SNX29: variants seen among roughly 807,000 people sequenced by gnomAD.
SNX29 encodes the protein sorting nexin-29.
In SNX29, 78 loss-of-function variants were observed where a neutral mutation model predicts 102.1. The observed-to-expected ratio is 0.76, with a 90% CI of 0.64 to 0.92. The LOEUF (loss-of-function observed/expected upper bound fraction) is 0.92. Ranked by LOEUF, SNX29 falls within the 40% of genes least tolerant of loss-of-function variation. SNX29 has a pLI of 0.00. For synonymous variants in SNX29, 580 were observed against 414.5 expected (o/e 1.40, Z -4.85); for missense variants, 1,280 against 1,061.7 (o/e 1.21, Z -2.86).
At chr16:12,084,411 A>G (rs2052060786) in intron 11 of SNX29, among the ~76,000 whole-genome samples, 1 of 152,144 alleles carries the variant, frequency 6.6e-6, no homozygotes. Flanking sequence ...TCCAAAGTGA[A>G]AAAGTTAATT....
chr16:12,459,844 A>G (rs1237023618), intron 18 of SNX29, among the ~76,000 whole-genome samples: 1 of 151,926 alleles, frequency 6.6e-6, no homozygotes, highest in African/African-American at 2.4e-5. Flanking sequence ...GTAATACCCC[A>G]TTTCCCCAAA....
chr16:12,246,040 T>G (rs150047333), intron 14 of SNX29, among the ~76,000 whole-genome samples: 43 of 152,320 alleles, frequency 2.8e-4, no homozygotes, highest in African/African-American at 9.1e-4. Context: ...ACCTGGTGTG[T>G]GGGAAGCACT....
At chr16:12,467,653 TTCCATTCAC>T (rs139145190) in intron 18 of SNX29, among the ~76,000 whole-genome samples, 9 of 116,990 alleles carry the variant, frequency 7.7e-5, no homozygotes, top group Admixed American at 1.6e-4. Flanking sequence ...CATTCATTCA[TTCCATTCAC>T]TCATTCATTC....
intron 13 of SNX29, among the ~76,000 whole-genome samples, chr16:12,141,943 C>A (rs1270882972): frequency 6.6e-6 from 1 of 152,188 alleles, no homozygotes; most frequent in Non-Finnish European, 1.5e-5. Flanking sequence ...GTCTCAGCCT[C>A]ATTTTAACCA....
At chr16:12,093,186 T>C (rs1002264032) in intron 11 of SNX29, among the ~76,000 whole-genome samples, 15 of 152,354 alleles carry the variant, frequency 9.8e-5, no homozygotes, top group Middle Eastern at 6.8e-3. Context: ...ATATTAGATA[T>C]GTAAATCCTT....
chr16:12,256,649 G>A (rs2089251), intron 14 of SNX29, among the ~76,000 whole-genome samples: 1 of 151,964 alleles, frequency 6.6e-6, no homozygotes, highest in African/African-American at 2.4e-5. Flanking sequence ...TTTTTGAAGA[G>A]AGACAATCAG....
chr16:12,152,900 A>C (rs941298368), intron 13 of SNX29, among the ~76,000 whole-genome samples: 2 of 152,236 alleles, frequency 1.3e-5, no homozygotes, highest in African/African-American at 2.4e-5. Context: ...TGACAGGCTA[A>C]GAAGCTTGCT....
chr16:12,552,875 AGACATG>A (rs1431820730), intron 20 of SNX29, among the ~76,000 whole-genome samples: 2 of 152,296 alleles, frequency 1.3e-5, no homozygotes, highest in South Asian at 2.1e-4. Flanking sequence ...GGGCCTGGGG[AGACATG>A]GACATGGAGG....
intron 18 of SNX29, among the ~76,000 whole-genome samples, chr16:12,423,040 C>A (rs927315259): frequency 6.6e-6 from 1 of 152,138 alleles, no homozygotes; most frequent in African/African-American, 2.4e-5. Context: ...GAAACAAACA[C>A]ACACACAAAA....
At chr16:12,068,534 G>A (rs1284269435) in intron 9 of SNX29, among the ~76,000 whole-genome samples, 2 of 150,904 alleles carry the variant, frequency 1.3e-5, no homozygotes, top group Non-Finnish European at 3.0e-5. Context: ...AGGTTAAGGG[G>A]AAGTATAGGG....
intron 14 of SNX29, among the ~76,000 whole-genome samples, chr16:12,221,607 G>C (rs776532185): frequency 3.1e-4 from 47 of 152,180 alleles, no homozygotes; most frequent in Non-Finnish European, 5.3e-4. Flanking sequence ...GAGCAAGACT[G>C]TCTCAAAAAT....
At chr16:12,193,385 C>G (rs2076692802) in intron 13 of SNX29, among the ~76,000 whole-genome samples, 1 of 150,184 alleles carries the variant, frequency 6.7e-6, no homozygotes, top group African/African-American at 2.4e-5. Context: ...AGGAGAATCA[C>G]TTGAAGCCAG....
intron 3 of SNX29, among the ~76,000 whole-genome samples, chr16:12,005,287 C>T (rs542500702): frequency 1.3e-5 from 2 of 152,294 alleles, no homozygotes; most frequent in South Asian, 4.1e-4. Context: ...GGTCTGCTTG[C>T]ATCAGAATCA....
At chr16:12,061,976 C>T (rs2050794986) in intron 9 of SNX29, among the ~76,000 whole-genome samples, 1 of 152,146 alleles carries the variant, frequency 6.6e-6, no homozygotes, top group Non-Finnish European at 1.5e-5. Flanking sequence ...AAATAGTGAC[C>T]ACGATTTTGC....
At chr16:12,173,849 C>T (rs562296638) in intron 13 of SNX29, among the ~76,000 whole-genome samples, 3 of 152,270 alleles carry the variant, frequency 2.0e-5, no homozygotes, top group Admixed American at 6.5e-5. Flanking sequence ...TGCAGTGGTG[C>T]GATCTCAGCT....
At chr16:12,338,207 C>T (rs535115452) in intron 15 of SNX29, among the ~76,000 whole-genome samples, 7 of 152,288 alleles carry the variant, frequency 4.6e-5, no homozygotes, top group Middle Eastern at 3.4e-3. Context: ...GCCGAAACCA[C>T]GGCTTTTGTT....
intron 8 of SNX29, among the ~76,000 whole-genome samples, chr16:12,054,009 C>A (rs1317125764): frequency 2.0e-5 from 3 of 151,680 alleles, no homozygotes; most frequent in Admixed American, 2.0e-4. Context: ...GCTCTGTCGC[C>A]CAGGCTGGGG....
chr16:12,545,423 A>AC (rs2077548833), intron 20 of SNX29: 2 of 152,142 alleles, frequency 1.3e-5, no homozygotes, highest in Non-Finnish European at 1.5e-5. Flanking sequence ...GCCTGGCCCC[A>AC]CCCCTAGGAT....
intron 15 of SNX29, among the ~76,000 whole-genome samples, chr16:12,353,127 G>A (rs779149148): frequency 2.0e-4 from 30 of 152,168 alleles, no homozygotes; most frequent in Admixed American, 6.5e-4. Flanking sequence ...TTTACCAAAT[G>A]TCAAAGGATG....
Sources: allele counts gnomAD v4.1 joint callset (sites outside exome capture counted in the v4.1 genomes callset), GRCh38; gene constraint gnomAD v4.1.1; transcripts MANE v1.5; gene names NCBI Gene and HGNC (gene_info 2026-07-23, HGNC 2026-07-21).